The following IMMP2L variants were observed in gnomAD, a reference collection of about 807,000 sequenced individuals.
IMMP2L encodes mitochondrial inner membrane protease subunit 2.
IMMP2L carries 18 observed loss-of-function variants against 19.3 expected under a neutral mutation model. The ratio of observed to expected loss-of-function variants is 0.93; its 90% CI spans 0.64 to 1.38. IMMP2L has a LOEUF of 1.38. Ranked by LOEUF, IMMP2L falls within the 40% of genes most tolerant of loss-of-function variation. The pLI, the probability that IMMP2L is intolerant of heterozygous loss-of-function variation, is 0.00. For missense variants in IMMP2L, 233 were observed against 218.2 expected, an observed-to-expected ratio of 1.07 and a Z score of -0.43; for synonymous variants, 76 against 73.0, an observed-to-expected ratio of 1.04 and a Z score of -0.21.
chr7:111,030,218 AT>A (rs1827263487), intron 3 of IMMP2L, among the ~76,000 whole-genome samples: 1 of 152,112 alleles, frequency 6.6e-6, no homozygotes, highest in Non-Finnish European at 1.5e-5. Context: ...CACTGAGGCA[AT>A]TGTTTTAAAT....
chr7:110,751,552 C>T (rs1562955534), intron 5 of IMMP2L, among the ~76,000 whole-genome samples: 1 of 151,872 alleles, frequency 6.6e-6, no homozygotes, highest in Non-Finnish European at 1.5e-5. Context: ...AGCCAATGTT[C>T]TAGGAAATTT....
chr7:111,089,549 A>C, intron 3 of IMMP2L, among the ~76,000 whole-genome samples: 1 of 152,102 alleles, frequency 6.6e-6, no homozygotes, highest in East Asian at 1.9e-4. Flanking sequence ...AAGGATGATT[A>C]TTACTATTAT....
intron 4 of IMMP2L, among the ~76,000 whole-genome samples, chr7:110,897,962 G>C (rs771687941): frequency 5.9e-5 from 9 of 151,702 alleles, no homozygotes; most frequent in Non-Finnish European, 1.2e-4. Flanking sequence ...TGTTGACATG[G>C]GTGAAGGATG....
At chr7:111,197,860 A>C (rs1809673065) in intron 3 of IMMP2L, among the ~76,000 whole-genome samples, 1 of 152,200 alleles carries the variant, frequency 6.6e-6, no homozygotes, top group Admixed American at 6.5e-5. Flanking sequence ...ATTACTTTCA[A>C]ATTAAAAGTT....
intron 3 of IMMP2L, among the ~76,000 whole-genome samples, chr7:111,216,272 A>G (rs1811911839): frequency 6.6e-6 from 1 of 152,282 alleles, no homozygotes; most frequent in African/African-American, 2.4e-5. Context: ...GTCAAGCTGG[A>G]TAGCAAGAAA....
Position 110,753,694 on chromosome 7 carries a change from A to G in IMMP2L, c.409-89973T>C, listed in dbSNP as rs542303198. On this transcript the variant is annotated intron_variant, in intron 5 of 5. Transcript: ENST00000405709. ...CTGATTTTTCAAAAGAAAAGCAGCC[A>G]AAGAGAAATGGCCAAAAAGGTAAGA... is the stretch of plus-strand genomic sequence containing the variant. 3.3e-5 allele frequency among the ~76,000 whole-genome samples: 5 copies of G among 151,966 alleles called. No homozygotes were observed. The South Asian group carries it at 1.0e-3, about 32-fold the overall frequency.
At chr7:111,291,365 T>C (rs2129678445) in intron 3 of IMMP2L, among the ~76,000 whole-genome samples, 1 of 152,304 alleles carries the variant, frequency 6.6e-6, no homozygotes, top group Middle Eastern at 3.4e-3. Context: ...ACAGAGTCCC[T>C]AAGGAGTTCT....
intron 5 of IMMP2L, among the ~76,000 whole-genome samples, chr7:110,777,022 T>C (rs962211838): frequency 6.6e-6 from 1 of 152,020 alleles, no homozygotes; most frequent in Non-Finnish European, 1.5e-5. Context: ...TTTGTTAATA[T>C]GTGTGGCTAT....
At chr7:111,203,933 T>C (rs1810432486) in intron 3 of IMMP2L, among the ~76,000 whole-genome samples, 3 of 152,170 alleles carry the variant, frequency 2.0e-5, no homozygotes, top group Admixed American at 1.3e-4. Flanking sequence ...AGGAATAGTT[T>C]AAAATGGTTA....
At chr7:111,196,150 A>G (rs982013271) in intron 3 of IMMP2L, among the ~76,000 whole-genome samples, 28 of 152,308 alleles carry the variant, frequency 1.8e-4, no homozygotes, top group African/African-American at 6.5e-4. Context: ...CTGGGATTAT[A>G]GGCATAAGGG....
intron 3 of IMMP2L, among the ~76,000 whole-genome samples, chr7:111,446,345 C>G (rs907976181): frequency 7.0e-6 from 1 of 142,510 alleles, no homozygotes; most frequent in East Asian, 1.9e-4. Flanking sequence ...TCTCCCAGCA[C>G]ACAGCTGGAG....
intron 5 of IMMP2L, among the ~76,000 whole-genome samples, chr7:110,751,184 A>G (rs867279093): frequency 3.3e-5 from 5 of 152,022 alleles, no homozygotes; most frequent in African/African-American, 7.2e-5. Flanking sequence ...AAAAAAAATC[A>G]TGTGTAAGAC....
At chr7:111,282,835 G>A (rs536178823) in intron 3 of IMMP2L, among the ~76,000 whole-genome samples, 8 of 151,978 alleles carry the variant, frequency 5.3e-5, no homozygotes, top group African/African-American at 1.2e-4. Context: ...TCACCCCCTC[G>A]GCCTCCCTAA....
chr7:111,203,706 T>C (rs1810405197), intron 3 of IMMP2L, among the ~76,000 whole-genome samples: 1 of 151,880 alleles, frequency 6.6e-6, no homozygotes, highest in African/African-American at 2.4e-5. Flanking sequence ...CCTTGTCCAT[T>C]TTCTGGAGGA....
chr7:111,069,058 C>T (rs1794741757), intron 3 of IMMP2L, among the ~76,000 whole-genome samples: 1 of 152,204 alleles, frequency 6.6e-6, no homozygotes, highest in South Asian at 2.1e-4. Context: ...AGCCAAGAGG[C>T]TTGCTTGGTA....
intron 4 of IMMP2L, among the ~76,000 whole-genome samples, chr7:110,936,745 G>A (rs1318897880): frequency 6.6e-6 from 1 of 151,806 alleles, no homozygotes; most frequent in Non-Finnish European, 1.5e-5. Context: ...AAAGACACAT[G>A]CACACACATG....
At chr7:110,812,713 C>T (rs945876692) in intron 5 of IMMP2L, among the ~76,000 whole-genome samples, 1 of 151,902 alleles carries the variant, frequency 6.6e-6, no homozygotes, top group Admixed American at 6.6e-5. Flanking sequence ...GAAGGGAAAA[C>T]TTGTTTCAAA....
chr7:111,388,770 G>A (rs1267413533), intron 3 of IMMP2L, among the ~76,000 whole-genome samples: 4 of 151,928 alleles, frequency 2.6e-5, no homozygotes, highest in Admixed American at 6.6e-5. Flanking sequence ...GGAAAGACCG[G>A]CCCCCATGAT....
At chr7:111,076,405 T>G (rs557370678) in intron 3 of IMMP2L, among the ~76,000 whole-genome samples, 1 of 152,314 alleles carries the variant, frequency 6.6e-6, no homozygotes, top group East Asian at 1.9e-4. Context: ...TGTGGAGGTT[T>G]GGATGGTTGA....
Sources: allele counts gnomAD v4.1 joint callset (sites outside exome capture counted in the v4.1 genomes callset), GRCh38; gene constraint gnomAD v4.1.1; transcripts MANE v1.5; gene names NCBI Gene and HGNC (gene_info 2026-07-23, HGNC 2026-07-21).